NEO1: variants seen among roughly 807,000 people sequenced by gnomAD.
NEO1 encodes neogenin.
A neutral mutation model predicts 159.7 loss-of-function variants in NEO1; 63 were observed. The observed-to-expected ratio is 0.39, with a 90% confidence interval of 0.32 to 0.49. The LOEUF (loss-of-function observed/expected upper bound fraction) is 0.49. Ranked by LOEUF, NEO1 falls within the 20% of genes least tolerant of loss-of-function variation. The probability of loss-of-function intolerance (pLI) is 0.85; values close to 1 mark genes in which losing one functional copy is unlikely to be tolerated. For synonymous variants in NEO1, 633 were observed against 662.0 expected (o/e 0.96, Z 0.67); for missense variants, 1,615 against 1,831.0 (o/e 0.88, Z 2.15).
intron 1 of NEO1, among the ~76,000 whole-genome samples, chr15:73,084,332 C>T (rs1271457224): frequency 6.6e-6 from 1 of 152,112 alleles, no homozygotes; most frequent in Non-Finnish European, 1.5e-5. Context: ...CTCTGGTAAC[C>T]ACCATTCTGC....
chr15:73,157,034 T>C (rs1325732997), intron 5 of NEO1, among the ~76,000 whole-genome samples: 3 of 152,210 alleles, frequency 2.0e-5, no homozygotes, highest in Non-Finnish European at 4.4e-5. Flanking sequence ...CATGCCCCAG[T>C]CCTGGCAGAG....
chr15:73,181,829 G>T (rs1358379447), intron 7 of NEO1, among the ~76,000 whole-genome samples: 1 of 152,148 alleles, frequency 6.6e-6, no homozygotes, highest in East Asian at 1.9e-4. Flanking sequence ...TGATTTATCT[G>T]ATTGAGACTT....
chr15:73,152,942 TTATAAAG>T (rs1441937496), intron 5 of NEO1, among the ~76,000 whole-genome samples: 1 of 152,082 alleles, frequency 6.6e-6, no homozygotes, highest in African/African-American at 2.4e-5. Flanking sequence ...GAGACTTTTA[TTATAAAG>T]TATTGGTTCA....
chr15:73,072,706 G>A (rs146215569), intron 1 of NEO1, among the ~76,000 whole-genome samples: 74 of 152,254 alleles, frequency 4.9e-4, no homozygotes, highest in Non-Finnish European at 9.1e-4. Context: ...GTGTGCTTGC[G>A]TGCATGGAGG....
intron 6 of NEO1, 102 bp downstream of exon 6, chr15:73,176,659 C>T: frequency 1.3e-6 from 1 of 799,168 alleles, no homozygotes; most frequent in Non-Finnish European, 1.8e-6. Flanking sequence ...AGTTTGTGTA[C>T]TGCAAATGAA....
chr15:73,094,066 A>AT (rs972498825), intron 1 of NEO1, among the ~76,000 whole-genome samples: 4 of 151,896 alleles, frequency 2.6e-5, no homozygotes, highest in Non-Finnish European at 2.9e-5. Flanking sequence ...TTCTATAACT[A>AT]TTTTTTTTAA....
chr15:73,130,311 C>CG lies in NEO1; in HGVS notation c.878+3741_878+3742insG, dbSNP rs1567267377. ...AGTTCTGTGGGCTCAGTTTCCCGCC[C>CG]CCCCCGCCGCATAAGACCCTTTCAG... On this transcript the variant is annotated intron_variant, in intron 4 of 28. Transcript: ENST00000261908. 1.3e-5 allele frequency among the ~76,000 whole-genome samples: 2 copies of CG among 148,762 alleles called. 1 individual carries two copies.
intron 5 of NEO1, among the ~76,000 whole-genome samples, chr15:73,157,398 T>C (rs2033860005): frequency 1.3e-5 from 2 of 152,246 alleles, no homozygotes; most frequent in Non-Finnish European, 2.9e-5. Context: ...TAGCTGCCTA[T>C]ATCTGATGGA....
chr15:73,275,204 A>G (rs2151057442), intron 21 of NEO1, among the ~76,000 whole-genome samples: 1 of 151,578 alleles, frequency 6.6e-6, no homozygotes, highest in South Asian at 2.1e-4. Context: ...CCCACAAAGA[A>G]TCCACAAATT....
At chr15:73,135,142 A>C (rs1284598941) in intron 4 of NEO1, among the ~76,000 whole-genome samples, 1 of 152,180 alleles carries the variant, frequency 6.6e-6, no homozygotes, top group Non-Finnish European at 1.5e-5. Context: ...CTCCAAATTA[A>C]CTAAACTTGT....
In NEO1 at chr15:73,122,463, A is replaced by G; in HGVS notation, c.449-62A>G. 13 of 1,512,608 alleles carry G rather than the reference A, an allele frequency of 8.6e-6. No individual in the cohort carries two copies. In the South Asian group the frequency reaches 1.5e-4, roughly 17 times the overall value. The allele number at this position is 1,512,608 out of a possible 1,614,324, so 93.7% of individuals were successfully genotyped here. On this transcript the variant is annotated intron_variant, in intron 2 of 28. Transcript: ENST00000261908. ...GTGAGCTGACTTGCTCCTGGCTCCC[A>G]AGACAAAATTTTAAAGTAATATTTA...
chr15:73,172,345 A>G (rs1224694863), intron 5 of NEO1, among the ~76,000 whole-genome samples: 1 of 152,228 alleles, frequency 6.6e-6, no homozygotes, highest in Non-Finnish European at 1.5e-5. Context: ...ATATAATATT[A>G]ACTGCATAAT....
chr15:73,192,660 G>T (rs1181339362), intron 7 of NEO1, among the ~76,000 whole-genome samples: 1 of 151,396 alleles, frequency 6.6e-6, no homozygotes, highest in Non-Finnish European at 1.5e-5. Context: ...CTAGGAAGCT[G>T]TTAATAAGAT....
intron 26 of NEO1, among the ~76,000 whole-genome samples, chr15:73,296,618 G>T (rs1456426737): frequency 2.6e-5 from 4 of 152,188 alleles, no homozygotes; most frequent in Admixed American, 2.6e-4. Flanking sequence ...TCTGCAGATT[G>T]CTCATGCTTT....
intron 8 of NEO1, among the ~76,000 whole-genome samples, chr15:73,238,314 A>G (rs568345883): frequency 2.2e-5 from 1 of 45,356 alleles, no homozygotes; most frequent in Non-Finnish European, 4.1e-5. Context: ...AGCACTTACT[A>G]CTCTCTGAAA....
chr15:73,231,405 T>C (rs2038902359), intron 7 of NEO1, among the ~76,000 whole-genome samples: 2 of 152,178 alleles, frequency 1.3e-5, no homozygotes, highest in Admixed American at 1.3e-4. Context: ...GTAAGCCTGC[T>C]GTTTGTCTGG....
chr15:73,253,574 G>C (rs1361884624), intron 12 of NEO1, 125 bp downstream of exon 12: 2 of 573,988 alleles, frequency 3.5e-6, no homozygotes, highest in East Asian at 5.9e-5. Flanking sequence ...GTAATAATCT[G>C]CATTTAAAAA....
intron 21 of NEO1, among the ~76,000 whole-genome samples, chr15:73,276,435 A>G (rs2041428369): frequency 6.6e-6 from 1 of 152,232 alleles, no homozygotes; most frequent in African/African-American, 2.4e-5. Flanking sequence ...TCCACCAGCT[A>G]GACTTTGTCA....
At chr15:73,282,628 T>A (rs1207961219) in intron 22 of NEO1, among the ~76,000 whole-genome samples, 1 of 152,242 alleles carries the variant, frequency 6.6e-6, no homozygotes, top group Non-Finnish European at 1.5e-5. Flanking sequence ...TGAGTTTATA[T>A]ATCACATGAG....
Sources: gnomAD v4.1 joint callset for allele counts (sites outside exome capture counted in the v4.1 genomes callset) on GRCh38, gnomAD v4.1.1 for gene constraint, MANE v1.5 for transcripts, NCBI Gene and HGNC (gene_info 2026-07-23, HGNC 2026-07-21) for gene names.